The following FMN1 variants were observed in gnomAD, a reference collection of about 807,000 sequenced individuals.
The protein encoded by FMN1 is formin 1, also known as formin-1.
Under a neutral mutation model 132.4 loss-of-function variants are expected in FMN1, and 110 were observed. That is an observed-to-expected ratio of 0.83 (90% CI 0.71 to 0.97). FMN1 has a LOEUF of 0.97. FMN1 is among the 50% of genes least tolerant of loss of function. The probability of loss-of-function intolerance (pLI) is 0.00; values close to 1 mark genes in which losing one functional copy is unlikely to be tolerated. For synonymous variants in FMN1, 722 were observed against 651.7 expected, an observed-to-expected ratio of 1.11 and a Z score of -1.64; for missense variants, 1,792 against 1,705.3, an observed-to-expected ratio of 1.05 and a Z score of -0.90.
intron 4 of FMN1, chr15:33,150,192 C>G (rs866142718): frequency 1.0e-6 from 1 of 985,308 alleles, no homozygotes; most frequent in African/African-American, 1.7e-5. Flanking sequence ...TACTTTGAAT[C>G]AAAGGTAAAT....
chr15:32,865,969 T>C (rs2059383250), intron 16 of FMN1, among the ~76,000 whole-genome samples: 1 of 152,102 alleles, frequency 6.6e-6, no homozygotes, highest in Non-Finnish European at 1.5e-5. Context: ...CTTTCGCACA[T>C]TCTTAATTGT....
chr15:32,932,964 T>C (rs1459743248), intron 9 of FMN1, among the ~76,000 whole-genome samples: 1 of 152,176 alleles, frequency 6.6e-6, no homozygotes, highest in Non-Finnish European at 1.5e-5. Context: ...TTTCCTATTG[T>C]TTTTCTATAC....
chr15:33,067,101 T>C (rs2037771371), intron 5 of FMN1: 1 of 1,614,022 alleles, frequency 6.2e-7, no homozygotes, highest in African/African-American at 1.3e-5. Context: ...ACTTCTTTTT[T>C]AGAAGAGGCA....
chr15:33,116,478 G>A (rs1158217999), intron 4 of FMN1, among the ~76,000 whole-genome samples: 1 of 152,100 alleles, frequency 6.6e-6, no homozygotes, highest in African/African-American at 2.4e-5. Flanking sequence ...CCGACCATGC[G>A]GCAGCCCTGA....
At chr15:32,977,259 A>G (rs2032284817) in intron 7 of FMN1, among the ~76,000 whole-genome samples, 1 of 152,190 alleles carries the variant, frequency 6.6e-6, no homozygotes, top group Non-Finnish European at 1.5e-5. Context: ...CCAATAAGAG[A>G]TAGACTAAAT....
At chr15:32,789,312 T>C (rs74011976) in intron 19 of FMN1, among the ~76,000 whole-genome samples, 1,966 of 152,328 alleles carry the variant, frequency 0.013, 40 homozygotes, top group African/African-American at 0.045. Flanking sequence ...GGAGATACGA[T>C]AGCTCACACA....
chr15:32,844,583 T>C (rs2058816632), intron 17 of FMN1, among the ~76,000 whole-genome samples: 1 of 152,218 alleles, frequency 6.6e-6, no homozygotes, highest in African/African-American at 2.4e-5. Flanking sequence ...TATCTTCAAA[T>C]TATACATATA....
In FMN1 at chr15:32,876,652, G is replaced by A. The variant is rs75449224; in HGVS notation, c.3835+11520C>T. 5.8e-3 allele frequency among the ~76,000 whole-genome samples: 881 copies of A among 152,244 alleles called. 10 individuals are homozygous for A. The highest frequency in any genetic ancestry group is 0.02 in the African/African-American group (838 of 41,550). On this transcript the variant is annotated intron_variant, in intron 16 of 20. Coordinates refer to ENST00000616417, the MANE Select transcript of FMN1 (RefSeq NM_001277313.2). ...AAAGTGTATTGTTTAAAAAGTGTGG[G>A]AAACACAGTTTTAAAAGATTGAGAA...
intron 9 of FMN1, among the ~76,000 whole-genome samples, chr15:32,940,315 G>A (rs74646214): frequency 6.6e-6 from 1 of 151,870 alleles, no homozygotes; most frequent in African/African-American, 2.4e-5. Flanking sequence ...TTGTATCAAC[G>A]CTGAAAGGCA....
At chr15:32,858,983 A>G (rs2059201498) in intron 16 of FMN1, among the ~76,000 whole-genome samples, 1 of 152,222 alleles carries the variant, frequency 6.6e-6, no homozygotes, top group Admixed American at 6.5e-5. Flanking sequence ...GAGAGTAGAT[A>G]GAGCTGGGAT....
chr15:32,780,158 C>T (rs1311482171), intron 19 of FMN1, among the ~76,000 whole-genome samples: 1 of 152,142 alleles, frequency 6.6e-6, no homozygotes, highest in Admixed American at 6.5e-5. Context: ...AGCATGTGAA[C>T]CAGAGCAACT....
intron 9 of FMN1, among the ~76,000 whole-genome samples, chr15:32,955,064 T>C (rs776434619): frequency 2.0e-5 from 3 of 152,234 alleles, no homozygotes; most frequent in Non-Finnish European, 4.4e-5. Context: ...CTACGCAAGT[T>C]GCCCAACCCC....
intron 4 of FMN1, among the ~76,000 whole-genome samples, chr15:33,105,074 G>A (rs1323989254): frequency 1.3e-5 from 2 of 152,042 alleles, no homozygotes; most frequent in Non-Finnish European, 1.5e-5. Flanking sequence ...GCTCTGGTCT[G>A]ACACAATCTC....
In FMN1 at chr15:33,072,618, A is replaced by G. The variant is rs376638483; in HGVS notation, c.2044-7544T>C. Among the ~76,000 whole-genome samples the G allele has an allele frequency of 6.6e-4, 100 of 152,246 alleles. 1 individual carries two copies. Among genetic ancestry groups the G allele is most frequent in the African/African-American group, 2.4e-3 (98 of 41,550 alleles). On this transcript the variant is annotated intron_variant, in intron 5 of 20. Transcript: ENST00000616417. ...TTGAAGGTGGAGCCAATTGTACCCCATGGCAAAAAGAACATCAGTCTAGGC... is the reference window on the plus strand; with the variant it reads ...TTGAAGGTGGAGCCAATTGTACCCCGTGGCAAAAAGAACATCAGTCTAGGC...
intron 6 of FMN1, among the ~76,000 whole-genome samples, chr15:33,036,475 T>C (rs1281179420): frequency 6.6e-6 from 1 of 152,222 alleles, no homozygotes; most frequent in Non-Finnish European, 1.5e-5. Flanking sequence ...ATTCAAGTAC[T>C]TAGAAATGTC....
rs1241686865 is a variant in FMN1 at position 33,153,412 on chromosome 15, G to A, written c.1503C>T (p.Gly501=). ...GCGAGGCTGAATTATTAAACACCTT[G>A]CCAAGAGCTGCCGGTGCTGGTGGGG... is the stretch of plus-strand genomic sequence containing the variant. ...KPSPPAPAAL[G]KVFNNSASQS... The change falls in exon 4 of 21, where the codon GGC becomes GGT. Residue 501 remains glycine (G), a synonymous_variant. Transcript: ENST00000616417. 1.3e-6 allele frequency: 2 copies of A among 1,536,720 alleles called. No homozygotes were observed. The highest frequency in any genetic ancestry group is 2.4e-5 in the South Asian group (2 of 84,062).
chr15:33,081,642 A>G (rs1336727882), intron 5 of FMN1, among the ~76,000 whole-genome samples: 1 of 152,240 alleles, frequency 6.6e-6, no homozygotes, highest in Non-Finnish European at 1.5e-5. Context: ...TAAAAACAAA[A>G]GAAAACAAGT....
intron 7 of FMN1, among the ~76,000 whole-genome samples, chr15:33,005,803 T>A (rs1297303377): frequency 6.6e-6 from 1 of 152,144 alleles, no homozygotes; most frequent in Non-Finnish European, 1.5e-5. Flanking sequence ...CCTACCAATT[T>A]CAGTTCCTCT....
rs151009623 is a variant in FMN1, at chr15:33,005,499, T to C, written c.2223+2515A>G. Reference sequence around the variant, plus strand: ...ATACTTTCCTTCTTCCATATACTCCTCTTTTCCATCTCCAATCTTTTCTTA... The same window carrying C: ...ATACTTTCCTTCTTCCATATACTCCCCTTTTCCATCTCCAATCTTTTCTTA... On this transcript the variant is annotated intron_variant, in intron 7 of 20. Transcript: ENST00000616417. 1.4e-4 allele frequency among the ~76,000 whole-genome samples: 21 copies of C among 152,328 alleles called. No individual in the cohort carries two copies. In the East Asian group the frequency reaches 4.0e-3, roughly 29 times the overall value.
Sources: allele counts gnomAD v4.1 joint callset (sites outside exome capture counted in the v4.1 genomes callset), GRCh38; gene constraint gnomAD v4.1.1; transcripts MANE v1.5; gene names NCBI Gene and HGNC (gene_info 2026-07-23, HGNC 2026-07-21).